The following PDE4D variants were observed in gnomAD, a reference collection of about 807,000 sequenced individuals.
PDE4D encodes the protein phosphodiesterase 4D.
In PDE4D, 24 loss-of-function variants were observed where a neutral mutation model predicts 87.4. The observed-to-expected ratio is 0.27, with a 90% CI of 0.20 to 0.39. The LOEUF (loss-of-function observed/expected upper bound fraction) is 0.39. Ranked by LOEUF, PDE4D falls within the 10% of genes least tolerant of loss-of-function variation. The pLI, the probability that PDE4D is intolerant of heterozygous loss-of-function variation, is 1.00. For missense variants in PDE4D, 714 were observed against 1,041.0 expected, an observed-to-expected ratio of 0.69 and a Z score of 4.32; for synonymous variants, 384 against 383.2, an observed-to-expected ratio of 1.00 and a Z score of -0.02.
chr5:59,618,273 G>A (rs1260427751), intron 1 of PDE4D, among the ~76,000 whole-genome samples: 1 of 152,116 alleles, frequency 6.6e-6, no homozygotes, highest in Non-Finnish European at 1.5e-5. Context: ...TCAGATATGA[G>A]CTGGAACATG....
intron 5 of PDE4D, among the ~76,000 whole-genome samples, chr5:59,041,654 T>A (rs1353747): frequency 6.6e-6 from 1 of 152,124 alleles, no homozygotes; most frequent in Admixed American, 6.6e-5. Flanking sequence ...GAGGTTCGGC[T>A]TTCTGTGGCT....
intron 1 of PDE4D, among the ~76,000 whole-genome samples, chr5:59,413,457 C>CAAAAAAAAAAAAAAAAAAAAAAAAAAAAA (rs34074485): frequency 3.3e-4 from 18 of 54,418 alleles, no homozygotes; most frequent in African/African-American, 1.4e-3. Context: ...GACTCCATCT[C>CAAAAAAAAAAAAAAAAAAAAAAAAAAAAA]AAAAAAAAAA....
intron 5 of PDE4D, among the ~76,000 whole-genome samples, chr5:59,057,617 T>C (rs966197561): frequency 4.6e-5 from 7 of 152,210 alleles, no homozygotes; most frequent in African/African-American, 1.7e-4. Context: ...TGAGATAGTC[T>C]TCCCAGCATT....
intron 3 of PDE4D, among the ~76,000 whole-genome samples, chr5:59,912,332 C>T (rs1753544556): frequency 6.6e-6 from 1 of 152,092 alleles, no homozygotes. Flanking sequence ...TGTAACTCAC[C>T]TTAAATACTT....
chr5:59,416,685 C>T (rs1793670918), intron 1 of PDE4D, among the ~76,000 whole-genome samples: 1 of 152,146 alleles, frequency 6.6e-6, no homozygotes, highest in Non-Finnish European at 1.5e-5. Context: ...GTTAGATCAT[C>T]CAGATGTTTT....
At chr5:59,692,700 A>C (rs754343748) in intron 1 of PDE4D, among the ~76,000 whole-genome samples, 5 of 152,180 alleles carry the variant, frequency 3.3e-5, no homozygotes, top group Non-Finnish European at 7.4e-5. Flanking sequence ...CAAGCCCTAC[A>C]TAGAAGCACA....
intron 1 of PDE4D, among the ~76,000 whole-genome samples, chr5:60,320,150 G>C (rs529706205): frequency 6.6e-6 from 1 of 152,190 alleles, no homozygotes; most frequent in Non-Finnish European, 1.5e-5. Context: ...CTTCCCAGCC[G>C]CTTTGTTTAC....
At chr5:60,015,283 G>A (rs1765398979) in intron 2 of PDE4D, among the ~76,000 whole-genome samples, 1 of 152,204 alleles carries the variant, frequency 6.6e-6, no homozygotes, top group African/African-American at 2.4e-5. Context: ...CCAGAGGGAA[G>A]ATTGTGATAG....
At chr5:59,238,508 A>G (rs1581541684) in intron 1 of PDE4D, among the ~76,000 whole-genome samples, 1 of 152,182 alleles carries the variant, frequency 6.6e-6, no homozygotes, top group Non-Finnish European at 1.5e-5. Context: ...ATGGAGAAGG[A>G]AAAAAGGTCA....
rs545838433 is a variant in PDE4D, at chr5:59,289,381, A to G, written c.456-73413T>C. Among the ~76,000 whole-genome samples the G allele has an allele frequency of 5.3e-5, 8 of 152,198 alleles. No homozygotes were observed. The South Asian group carries it at 1.0e-3, about 20-fold the overall frequency. ...TCAAAAAATAAAAAGCAAAAAATTA[A>G]AACACGCCACCAGAGAAAATCACTT... On this transcript the variant is annotated intron_variant, in intron 1 of 14. Coordinates refer to ENST00000340635, the MANE Select transcript of PDE4D (RefSeq NM_001104631.2).
intron 3 of PDE4D, among the ~76,000 whole-genome samples, chr5:59,958,118 TAC>T (rs1200698067): frequency 1.3e-5 from 2 of 152,172 alleles, no homozygotes; most frequent in African/African-American, 4.8e-5. Flanking sequence ...TTTGATTTTG[TAC>T]ATTCAAATCA....
intron 1 of PDE4D, among the ~76,000 whole-genome samples, chr5:59,773,052 G>T (rs1470042785): frequency 6.6e-6 from 1 of 152,160 alleles, no homozygotes; most frequent in African/African-American, 2.4e-5. Context: ...TTAGGAGAGT[G>T]CCTGGTACAG....
chr5:59,688,815 G>T (rs1750373612), intron 1 of PDE4D, among the ~76,000 whole-genome samples: 1 of 151,774 alleles, frequency 6.6e-6, no homozygotes, highest in Non-Finnish European at 1.5e-5. Context: ...AAAATTGACG[G>T]ACCACTAGCA....
chr5:59,809,090 G>A (rs763909591), intron 1 of PDE4D, among the ~76,000 whole-genome samples: 2 of 152,276 alleles, frequency 1.3e-5, no homozygotes, highest in South Asian at 2.1e-4. Context: ...TATGGAAGTC[G>A]AAGAGTTGTG....
intron 2 of PDE4D, among the ~76,000 whole-genome samples, chr5:60,110,482 T>A (rs567146454): frequency 1.3e-5 from 2 of 152,176 alleles, no homozygotes; most frequent in East Asian, 1.9e-4. Context: ...AGAATGGCCA[T>A]TATGAAAAAG....
In PDE4D at chr5:59,811,951, A is replaced by G. The variant is rs536766343; in HGVS notation, c.455+81217T>C. On this transcript the variant is annotated intron_variant, in intron 1 of 14. Transcript: ENST00000340635. ...GACTGTGAAGAATTTTAAGCCCAGA[A>G]GTACATTACTTTCCCCATCGTGAGG... 1.2e-4 allele frequency among the ~76,000 whole-genome samples: 18 copies of G among 152,360 alleles called. No individual in the cohort carries two copies. The South Asian group carries it at 3.7e-3, about 32-fold the overall frequency.
rs375558804 is a variant in PDE4D, at chr5:59,486,053, T to C, written c.456-270085A>G. ...TAGAGAATGATCAACTCCTTCTGAT[T>C]CCTTCAATTATTATCACTATCATGA... On this transcript the variant is annotated intron_variant, in intron 1 of 14. Coordinates refer to ENST00000340635, the MANE Select transcript of PDE4D (RefSeq NM_001104631.2). Among the ~76,000 whole-genome samples the C allele has an allele frequency of 3.3e-5, 5 of 152,262 alleles. No individual in the cohort carries two copies. In the South Asian group the frequency reaches 8.3e-4, roughly 25 times the overall value.
intron 1 of PDE4D, chr5:60,448,615 C>T (rs1285966230): frequency 1.3e-5 from 2 of 152,208 alleles, no homozygotes; most frequent in Admixed American, 6.5e-5. Flanking sequence ...CATGCCTCAC[C>T]GAAATTCCTT....
chr5:59,350,987 C>T (rs942826941), intron 1 of PDE4D, among the ~76,000 whole-genome samples: 2 of 152,150 alleles, frequency 1.3e-5, no homozygotes, highest in Non-Finnish European at 2.9e-5. Context: ...CTCTATTGTA[C>T]TATTCTGTGA....
Sources: allele counts gnomAD v4.1 joint callset (sites outside exome capture counted in the v4.1 genomes callset), GRCh38; gene constraint gnomAD v4.1.1; transcripts MANE v1.5; gene names NCBI Gene and HGNC (gene_info 2026-07-23, HGNC 2026-07-21).